WNT16: variants seen among roughly 807,000 people sequenced by gnomAD.
The protein encoded by WNT16 is protein Wnt-16.
Under a neutral mutation model 35.4 loss-of-function variants are expected in WNT16, and 20 were observed. That is an observed-to-expected ratio of 0.56 (90% CI 0.40 to 0.82). WNT16 has a LOEUF of 0.82. Ranked by LOEUF, WNT16 falls within the 40% of genes least tolerant of loss-of-function variation. The pLI, the probability that WNT16 is intolerant of heterozygous loss-of-function variation, is 0.00. For missense variants in WNT16, 461 were observed against 466.0 expected, an observed-to-expected ratio of 0.99 and a Z score of 0.10; for synonymous variants, 180 against 179.2, an observed-to-expected ratio of 1.00 and a Z score of -0.03.
chr7:121,332,040 C>G, intron 3 of WNT16, 76 bp downstream of exon 3: 1 of 1,540,258 alleles, frequency 6.5e-7, no homozygotes, highest in Non-Finnish European at 8.8e-7. Context: ...CTGCATGAAA[C>G]TGTCCAAATG....
intron 3 of WNT16, 83 bp from the exon 4 acceptor site, chr7:121,338,798 T>G: frequency 8.4e-7 from 1 of 1,183,814 alleles, no homozygotes; most frequent in Non-Finnish European, 1.2e-6. Context: ...CCCAGAAAGT[T>G]AATTGATTAG....
Position 121,338,990 on chromosome 7 carries a change from T to G in WNT16, c.743T>G (p.Leu248Trp), listed in dbSNP as rs778786784. The change falls in exon 4 of 4, where the codon TTG (leucine) becomes TGG (tryptophan). Residue 248 changes from leucine (L) to tryptophan (W), a missense_variant. Physicochemically the swap from Leu to Trp is moderately conservative, Grantham distance 61. Coordinates refer to ENST00000222462, the MANE Select transcript of WNT16 (RefSeq NM_057168.2). ...TMSSFEKIGH[L>W]LKDKYENSIQ... Reference sequence around the variant, plus strand: ...TCTTCTTTTGAAAAGATTGGCCATTTGTTGAAGGATAAATATGAAAACAGT... The same window carrying G: ...TCTTCTTTTGAAAAGATTGGCCATTGGTTGAAGGATAAATATGAAAACAGT... The G allele has an allele frequency of 4.3e-6, 7 of 1,614,064 alleles. No homozygotes were observed. Among genetic ancestry groups the G allele is most frequent in the Non-Finnish European group, 5.9e-6 (7 of 1,180,024 alleles).
intron 2 of WNT16, 107 bp from the exon 3 acceptor site, chr7:121,331,571 G>A: frequency 1.0e-6 from 1 of 1,002,688 alleles, no homozygotes; most frequent in South Asian, 1.7e-5. Flanking sequence ...TCCATTGTAA[G>A]CAACTGAAAA....
chr7:121,337,493 T>A (rs991753290), intron 3 of WNT16, among the ~76,000 whole-genome samples: 2 of 152,256 alleles, frequency 1.3e-5, no homozygotes, highest in Non-Finnish European at 2.9e-5. Context: ...GTGAGGTTTT[T>A]CCTTTCTTTG....
intron 3 of WNT16, among the ~76,000 whole-genome samples, chr7:121,337,474 A>G (rs1388688410): frequency 6.6e-6 from 1 of 152,236 alleles, no homozygotes; most frequent in Non-Finnish European, 1.5e-5. Flanking sequence ...TGTAAGTGGA[A>G]TTTAAACTGT....
chr7:121,329,232 G>T lies in WNT16; in HGVS notation c.-61G>T. 6.8e-7 allele frequency: 1 copy of T among 1,472,582 alleles called. No individual in the cohort carries two copies. The highest frequency in any genetic ancestry group is 9.0e-7 in the Non-Finnish European group (1 of 1,113,042). 91.2% of individuals were successfully genotyped at this position (1,472,582 alleles called of 1,614,324 possible). A position where few individuals can be genotyped will look rare whatever the true frequency, so the allele number is the denominator to read the frequency against. ...TGGACAACTGACCTGCGGCCCGAAG[G>T]GCCTCTGGGGAGGGGGTGCAAAAGA... On this transcript the variant is annotated 5_prime_UTR_variant, in exon 1 of 4. Coordinates refer to ENST00000222462, the MANE Select transcript of WNT16 (RefSeq NM_057168.2).
At chr7:121,333,326 G>T (rs1793384513) in intron 3 of WNT16, among the ~76,000 whole-genome samples, 1 of 151,870 alleles carries the variant, frequency 6.6e-6, no homozygotes, top group African/African-American at 2.4e-5. Flanking sequence ...TACAAAAACA[G>T]AAAAGTCGGT....
chr7:121,329,149 A>G lies in WNT16; in HGVS notation c.-144A>G. On this transcript the variant is annotated 5_prime_UTR_variant, in exon 1 of 4. Transcript: ENST00000222462. ...GGGGAAGCTGCTGAGAGTCCCTATCACTGCTGGCCTTTTAATGTTGTATGC... is the reference window on the plus strand; with the variant it reads ...GGGGAAGCTGCTGAGAGTCCCTATCGCTGCTGGCCTTTTAATGTTGTATGC... The G allele has an allele frequency of 7.1e-7, 1 of 1,401,996 alleles. No homozygotes were observed. The highest frequency in any genetic ancestry group is 2.5e-5 in the East Asian group (1 of 39,400). 86.8% of individuals were successfully genotyped at this position (1,401,996 alleles called of 1,614,324 possible).
upstream of WNT16, among the ~76,000 whole-genome samples, chr7:121,328,359 G>A (rs1793276124): frequency 6.6e-6 from 1 of 152,146 alleles, no homozygotes; most frequent in Non-Finnish European, 1.5e-5. Context: ...AGGGACTGCA[G>A]GAAATAAGAC....
chr7:121,337,629 G>A (rs749827978), intron 3 of WNT16, among the ~76,000 whole-genome samples: 15 of 152,148 alleles, frequency 9.9e-5, no homozygotes, highest in African/African-American at 3.6e-4. Flanking sequence ...TTCTGCCATC[G>A]TCTGGGGATT....
rs542090391 is a variant in WNT16 at position 121,340,086 on chromosome 7, T to C, written c.*741T>C. On this transcript the variant is annotated 3_prime_UTR_variant, in exon 4 of 4. Transcript: ENST00000222462. ...CCTCCATAAGGTATATAGCAATCTTTGATCTTTAGATTCATACTTTTATCA... is the reference window on the plus strand; with the variant it reads ...CCTCCATAAGGTATATAGCAATCTTCGATCTTTAGATTCATACTTTTATCA... 3.9e-5 allele frequency: 6 copies of C among 152,350 alleles called. No individual in the cohort carries two copies. Among genetic ancestry groups the C allele is most frequent in the Middle Eastern group, 3.4e-3 (1 of 294 alleles). The allele number at this position is 152,350 out of a possible 1,614,324, so 9.4% of individuals were successfully genotyped here.
chr7:121,327,221 C>T (rs1793259244), upstream of WNT16, among the ~76,000 whole-genome samples: 1 of 152,128 alleles, frequency 6.6e-6, no homozygotes, highest in South Asian at 2.1e-4. Flanking sequence ...GCTTTAGAAC[C>T]TGGTACATAG....
chr7:121,338,382 A>G (rs1793473300), intron 3 of WNT16, among the ~76,000 whole-genome samples: 3 of 152,138 alleles, frequency 2.0e-5, no homozygotes, highest in South Asian at 4.1e-4. Flanking sequence ...TTTAATGACA[A>G]TCTTGTTAAA....
At chr7:121,338,274 A>C (rs1793471075) in intron 3 of WNT16, among the ~76,000 whole-genome samples, 1 of 152,166 alleles carries the variant, frequency 6.6e-6, no homozygotes, top group South Asian at 2.1e-4. Context: ...GTGAAATCAG[A>C]ATCTGAGAGG....
intron 3 of WNT16, among the ~76,000 whole-genome samples, chr7:121,332,849 T>G (rs1793375860): frequency 6.6e-6 from 1 of 152,096 alleles, no homozygotes; most frequent in Admixed American, 6.5e-5. Context: ...AATTGCTATG[T>G]AATTACCATC....
At position 121,332,268 on chromosome 7, in the gene WNT16, A is replaced by G. The variant is rs187326979; in HGVS notation, c.633+304A>G. 3.2e-3 allele frequency among the ~76,000 whole-genome samples: 490 copies of G among 151,004 alleles called. 2 individuals are homozygous for G. Among genetic ancestry groups the G allele is most frequent in the Non-Finnish European group, 5.7e-3 (383 of 67,284 alleles). On this transcript the variant is annotated intron_variant, in intron 3 of 3. Transcript: ENST00000222462. ...TGTGTGTGTGTATACACATTTGCAC[A>G]TATATTACAAATGTGTATTATACAA... is the stretch of plus-strand genomic sequence containing the variant.
At chr7:121,338,845 T>C (rs1203893709) in intron 3 of WNT16, 36 bp from the exon 4 acceptor site, 35 of 1,567,544 alleles carry the variant, frequency 2.2e-5, no homozygotes, top group Non-Finnish European at 2.8e-5. Context: ...AAACACTTTA[T>C]GATTGATAGT....
upstream of WNT16, chr7:121,328,959 A>G (rs1055239199): frequency 5.1e-6 from 5 of 979,980 alleles, no homozygotes; most frequent in African/African-American, 8.5e-5. Context: ...GGGGGAGGAG[A>G]TGGGAGGAGA....
intron 2 of WNT16, 42 bp from the exon 3 acceptor site, chr7:121,331,632 CAGAA>C (rs770074734): frequency 6.4e-7 from 1 of 1,570,980 alleles, no homozygotes; most frequent in East Asian, 2.3e-5. Flanking sequence ...TGAACATAAA[CAGAA>C]GTTGCCTGGT....
Sources: gnomAD v4.1 joint callset for allele counts (sites outside exome capture counted in the v4.1 genomes callset) on GRCh38, gnomAD v4.1.1 for gene constraint, MANE v1.5 for transcripts, NCBI Gene and HGNC (gene_info 2026-07-23, HGNC 2026-07-21) for gene names.